ALMS1: variants seen among roughly 807,000 people sequenced by gnomAD.
ALMS1 encodes the protein ALMS1 centrosome and basal body associated protein.
Under a neutral mutation model 352.2 loss-of-function variants are expected in ALMS1, and 271 were observed. The observed-to-expected ratio is 0.77, with a 90% CI of 0.70 to 0.85. The LOEUF is 0.85. ALMS1 is among the 40% of genes least tolerant of loss of function. The pLI, the probability that ALMS1 is intolerant of heterozygous loss-of-function variation, is 0.00. For missense variants in ALMS1, 5,445 were observed against 4,870.7 expected, an observed-to-expected ratio of 1.12 and a Z score of -3.51; for synonymous variants, 1,865 against 1,761.2, an observed-to-expected ratio of 1.06 and a Z score of -1.48.
At chr2:73,397,298 C>T (rs1670783247) in intron 1 of ALMS1, among the ~76,000 whole-genome samples, 1 of 151,990 alleles carries the variant, frequency 6.6e-6, no homozygotes, top group African/African-American at 2.4e-5. Context: ...TGTGTATGTA[C>T]CTCTCCAATT....
intron 11 of ALMS1, among the ~76,000 whole-genome samples, chr2:73,530,723 A>G (rs1411946201): frequency 6.6e-6 from 1 of 152,192 alleles, no homozygotes; most frequent in Non-Finnish European, 1.5e-5. Flanking sequence ...CCTGCAGCAG[A>G]CTTCTTCCTG....
chr2:73,559,314 C>CTATA lies in ALMS1; in HGVS notation c.10384+183_10384+186dup, dbSNP rs10684777. On this transcript the variant is annotated intron_variant, in intron 15 of 22. Transcript: ENST00000613296. ...GTACTTTGATGCTACTATTAGGTTA[C>CTATA]TATATATATATATAGATTTCCAAAA... Among the ~76,000 whole-genome samples the CTATA allele has an allele frequency of 4.9e-4, 73 of 150,258 alleles. 1 individual carries two copies. Among genetic ancestry groups the CTATA allele is most frequent in the Middle Eastern group, 3.4e-3 (1 of 292 alleles).
chr2:73,605,889 G>A (rs2104209951), intron 21 of ALMS1, among the ~76,000 whole-genome samples: 1 of 152,000 alleles, frequency 6.6e-6, no homozygotes, highest in South Asian at 2.1e-4. Flanking sequence ...ATCAAGTTTG[G>A]GTGTAGTATC....
chr2:73,600,028 G>A (rs945548869), intron 17 of ALMS1, among the ~76,000 whole-genome samples: 1 of 152,172 alleles, frequency 6.6e-6, no homozygotes, highest in African/African-American at 2.4e-5. Context: ...AGCTCTCTCT[G>A]TACTAACATG....
chr2:73,453,727 G>T lies in ALMS1; in HGVS notation c.7200G>T (p.Gly2400=). 4 of 1,614,068 alleles carry T rather than the reference G, an allele frequency of 2.5e-6. No homozygotes were observed. The highest frequency in any genetic ancestry group is 3.4e-6 in the Non-Finnish European group (4 of 1,180,016). ...SEPEGCSGTI[G]NKIIIPMMTV... is the part of the protein sequence containing the mutation. Reference sequence around the variant, plus strand: ...CTGAAGGGTGTAGTGGAACCATTGGGAATAAAATTATTATCCCTATGATGA... The same window carrying T: ...CTGAAGGGTGTAGTGGAACCATTGGTAATAAAATTATTATCCCTATGATGA... The change falls in exon 8 of 23, where the codon GGG becomes GGT. Residue 2400 remains glycine, a synonymous_variant. Coordinates refer to ENST00000613296, the MANE Select transcript of ALMS1 (RefSeq NM_001378454.1).
rs1672257056 is a variant in ALMS1, at chr2:73,463,596, A to T, written c.7674+8301A>T. Among the ~76,000 whole-genome samples the T allele has an allele frequency of 5.5e-5, 7 of 128,418 alleles. No homozygotes were observed. The South Asian group carries it at 2.0e-3, about 37-fold the overall frequency. 84.2% of individuals were successfully genotyped at this position (128,418 alleles called of 152,430 possible). A position where few individuals can be genotyped will look rare whatever the true frequency, so the allele number is the denominator to read the frequency against. ...AGCTAGCAGAAGGCAAGAAATAACT[A>T]AAATCAGAGCAGAACTGAAGGAAAT... On this transcript the variant is annotated intron_variant, in intron 9 of 22. Transcript: ENST00000613296.
Position 73,424,807 on chromosome 2 carries a change from C to G in ALMS1, c.1142C>G (p.Ala381Gly). The G allele has an allele frequency of 6.2e-7, 1 of 1,611,006 alleles. No homozygotes were observed. The highest frequency in any genetic ancestry group is 8.5e-7 in the Non-Finnish European group (1 of 1,177,856). ...TTTGACATAACTGATGAAAACATAG[C>G]TACTAAAAGAAGTGACCATTTTGAT... ...TSFDITDENI[A>G]TKRSDHFDAA... The change falls in exon 5 of 23, where the codon GCT (alanine) becomes GGT (glycine). Residue 381 changes from alanine (A) to glycine (G), a missense_variant. Physicochemically the swap from Ala to Gly is moderately conservative, Grantham distance 60. Coordinates refer to ENST00000613296, the MANE Select transcript of ALMS1 (RefSeq NM_001378454.1).
intron 7 of ALMS1, among the ~76,000 whole-genome samples, chr2:73,437,395 A>G (rs999137128): frequency 1.3e-5 from 2 of 152,160 alleles, no homozygotes; most frequent in African/African-American, 4.8e-5. Context: ...AGCTGGGGGT[A>G]GGGATGATTA....
intron 1 of ALMS1, among the ~76,000 whole-genome samples, chr2:73,392,543 A>T (rs1670672278): frequency 6.6e-6 from 1 of 152,104 alleles, no homozygotes; most frequent in South Asian, 2.1e-4. Flanking sequence ...GCAACTATTA[A>T]TCTACCTTCT....
rs1228308204 is a variant in ALMS1 at position 73,590,235 on chromosome 2, C to T, written c.11548-9166C>T. 1.3e-5 allele frequency among the ~76,000 whole-genome samples: 2 copies of T among 152,028 alleles called. 1 individual carries two copies. The highest frequency in any genetic ancestry group is 3.9e-4 in the East Asian group (2 of 5,192). On this transcript the variant is annotated intron_variant, in intron 16 of 22. Coordinates refer to ENST00000613296, the MANE Select transcript of ALMS1 (RefSeq NM_001378454.1). The stretch of plus-strand genomic sequence containing the variant: ...GAGTGACATACTTTAATAAGCTTTT[C>T]TCAGATTTATATATATGAGTGAGAA...
chr2:73,439,919 T>C (rs1292936928), intron 7 of ALMS1, among the ~76,000 whole-genome samples: 3 of 152,208 alleles, frequency 2.0e-5, no homozygotes, highest in Non-Finnish European at 4.4e-5. Context: ...TTCCTGTTTC[T>C]CTTGTCTTGC....
At chr2:73,459,304 A>G (rs1434793003) in intron 9 of ALMS1, 1 of 152,194 alleles carries the variant, frequency 6.6e-6, no homozygotes, top group Non-Finnish European at 1.5e-5. Context: ...ATGTTAACTC[A>G]TACCACTTAG....
intron 2 of ALMS1, among the ~76,000 whole-genome samples, chr2:73,412,035 C>T (rs537548960): frequency 6.6e-6 from 1 of 152,312 alleles, no homozygotes; most frequent in African/African-American, 2.4e-5. Flanking sequence ...TTTTCTGTTT[C>T]TGTTTCCTGA....
intron 7 of ALMS1, among the ~76,000 whole-genome samples, chr2:73,433,526 A>T (rs1053012171): frequency 1.3e-5 from 2 of 152,166 alleles, no homozygotes; most frequent in African/African-American, 4.8e-5. Context: ...AATGAGGATC[A>T]GTTTGAAGGG....
chr2:73,454,176 A>G (rs756585667), intron 8 of ALMS1, 109 bp downstream of exon 8: 147 of 1,494,900 alleles, frequency 9.8e-5, no homozygotes, highest in Non-Finnish European at 1.2e-4. Flanking sequence ...AGCAAGATCA[A>G]GAAAAAAAAT....
chr2:73,566,226 T>G (rs1242482051), intron 15 of ALMS1, among the ~76,000 whole-genome samples: 2 of 152,188 alleles, frequency 1.3e-5, no homozygotes, highest in African/African-American at 4.8e-5. Context: ...AATAAGAAAT[T>G]TCATCTTCTT....
At position 73,590,690 on chromosome 2, in the gene ALMS1, T is replaced by TG. The variant is rs1268581297; in HGVS notation, c.11548-8711_11548-8710insG. On this transcript the variant is annotated intron_variant, in intron 16 of 22. Transcript: ENST00000613296. ...TCTGTTTTATTACTTTTTTTTTTTT[T>TG]TTTTTTTTTGAGATGTCTCGCTCTG... 6.2e-4 allele frequency among the ~76,000 whole-genome samples: 90 copies of TG among 145,862 alleles called. 1 individual carries two copies. The highest frequency in any genetic ancestry group is 2.2e-3 in the African/African-American group (86 of 39,462).
intron 13 of ALMS1, among the ~76,000 whole-genome samples, chr2:73,554,099 T>C (rs1057284854): frequency 6.6e-6 from 1 of 152,070 alleles, no homozygotes; most frequent in Non-Finnish European, 1.5e-5. Flanking sequence ...TTAAAACATA[T>C]ACATTGTTAT....
intron 10 of ALMS1, among the ~76,000 whole-genome samples, chr2:73,498,354 A>G (rs1182526015): frequency 6.6e-6 from 1 of 152,102 alleles, no homozygotes; most frequent in Non-Finnish European, 1.5e-5. Context: ...AGTGTGAAAT[A>G]AGGACATTGT....
Sources: allele counts gnomAD v4.1 joint callset (sites outside exome capture counted in the v4.1 genomes callset), GRCh38; gene constraint gnomAD v4.1.1; transcripts MANE v1.5; gene names NCBI Gene and HGNC (gene_info 2026-07-23, HGNC 2026-07-21).